Variants in SRPK2 observed in about 807,000 individuals in gnomAD.
SRPK2 encodes the protein SFRS protein kinase 2.
Under a neutral mutation model 90.8 loss-of-function variants are expected in SRPK2, and 21 were observed. That is an observed-to-expected ratio of 0.23 (90% CI 0.16 to 0.33). SRPK2 has a LOEUF of 0.33. Among genes scored for constraint, SRPK2 ranks in the 10% least tolerant of loss-of-function variants. The pLI, the probability that SRPK2 is intolerant of heterozygous loss-of-function variation, is 1.00. For synonymous variants in SRPK2, 288 were observed against 311.1 expected (o/e 0.93, Z 0.78); for missense variants, 620 against 869.0 (o/e 0.71, Z 3.60).
chr7:105,171,480 T>C (rs537165808), intron 3 of SRPK2, among the ~76,000 whole-genome samples: 14 of 152,372 alleles, frequency 9.2e-5, no homozygotes, highest in South Asian at 2.1e-4. Context: ...TTTTTTAATC[T>C]GCAGAATTCT....
At chr7:105,389,113 C>T (rs1586031902), upstream of SRPK2, 1 of 978,648 alleles carries the variant, frequency 1.0e-6, no homozygotes, top group African/African-American at 1.8e-5. Context: ...TGGCCCTCGG[C>T]CTCCCCCACC....
chr7:105,348,068 C>CTTTTTTTTTT (rs770159031), intron 2 of SRPK2, among the ~76,000 whole-genome samples: 20 of 81,020 alleles, frequency 2.5e-4, no homozygotes, highest in Admixed American at 5.4e-4. Context: ...GCTTGGCAAA[C>CTTTTTTTTTT]TTTTTTTTTT....
intron 2 of SRPK2, among the ~76,000 whole-genome samples, chr7:105,239,559 A>T (rs725506): frequency 0.18 from 27,682 of 152,124 alleles, 3,180 homozygotes; most frequent in East Asian, 0.58. Context: ...GGAAGCAGGG[A>T]AACAGCCTGA....
chr7:105,150,197 A>G (rs1171130099), intron 7 of SRPK2, among the ~76,000 whole-genome samples: 1 of 152,270 alleles, frequency 6.6e-6, no homozygotes, highest in Non-Finnish European at 1.5e-5. Flanking sequence ...GTTTTGGATA[A>G]TACTGCAATT....
In SRPK2 at chr7:105,280,421, C is replaced by CA. The variant is rs1279271628; in HGVS notation, c.72-76637dup. On this transcript the variant is annotated intron_variant, in intron 2 of 15. Transcript: ENST00000393651. Reference sequence around the variant, plus strand: ...CTGGGTGACAGAGTGAGACTGTCTTCAAAAAAAAAAAAAAGTCAAAAATTA... The same window carrying CA: ...CTGGGTGACAGAGTGAGACTGTCTTCAAAAAAAAAAAAAAAGTCAAAAATTA... Among the ~76,000 whole-genome samples, 893 of 103,774 alleles carry CA rather than the reference C, an allele frequency of 8.6e-3. 10 individuals carry two copies. The highest frequency in any genetic ancestry group is 0.052 in the Admixed American group (532 of 10,176). 68.1% of individuals were successfully genotyped at this position (103,774 alleles called of 152,430 possible). A position where few individuals can be genotyped will look rare whatever the true frequency, so the allele number is the denominator to read the frequency against.
rs183876541 is a variant in SRPK2, at chr7:105,145,751, T to C, written c.788-443A>G. On this transcript the variant is annotated intron_variant, in intron 8 of 15. Transcript: ENST00000393651. Reference sequence around the variant, plus strand: ...TTTAAATCAAATACTGCAGTTGGTATGCAGCAAATAGTCTAGGAATCACAT... The same window carrying C: ...TTTAAATCAAATACTGCAGTTGGTACGCAGCAAATAGTCTAGGAATCACAT... Among the ~76,000 whole-genome samples the C allele has an allele frequency of 2.1e-3, 314 of 152,338 alleles. 4 individuals carry two copies. Among genetic ancestry groups the C allele is most frequent in the African/African-American group, 7.2e-3 (301 of 41,570 alleles).
chr7:105,215,199 A>G (rs1797311574), intron 2 of SRPK2, among the ~76,000 whole-genome samples: 1 of 152,242 alleles, frequency 6.6e-6, no homozygotes, highest in South Asian at 2.1e-4. Flanking sequence ...ATAATGGATC[A>G]AAGTCCTAAA....
intron 2 of SRPK2, among the ~76,000 whole-genome samples, chr7:105,369,976 A>C (rs1819516610): frequency 6.6e-6 from 1 of 152,078 alleles, no homozygotes; most frequent in African/African-American, 2.4e-5. Flanking sequence ...GCAGTGAGCC[A>C]AGATCACGTC....
intron 2 of SRPK2, among the ~76,000 whole-genome samples, chr7:105,267,654 TCCCCTG>T (rs1208232031): frequency 6.6e-6 from 1 of 152,194 alleles, no homozygotes; most frequent in Non-Finnish European, 1.5e-5. Flanking sequence ...ATAAGCTTTT[TCCCCTG>T]ATTATACTAA....
chr7:105,383,052 A>ATTTTTTTTTTTTTTTTTTTTTTTT lies in SRPK2; in HGVS notation c.71+5595_71+5596insAAAAAAAAAAAAAAAAAAAAAAAA, dbSNP rs1563315577. Among the ~76,000 whole-genome samples, 9 of 105,276 alleles carry ATTTTTTTTTTTTTTTTTTTTTTTT rather than the reference A, an allele frequency of 8.5e-5. 4 individuals carry two copies. Among genetic ancestry groups the ATTTTTTTTTTTTTTTTTTTTTTTT allele is most frequent in the African/African-American group, 1.1e-4 (3 of 26,488 alleles). The allele number at this position is 105,276 out of a possible 152,430, so 69.1% of individuals were successfully genotyped here. On this transcript the variant is annotated intron_variant, in intron 2 of 15. Transcript: ENST00000393651. ...AGTCTGAAATTATTTCAAAAGTAAA[A>ATTTTTTTTTTTTTTTTTTTTTTTT]ATTTTTTTTTTTTTTTTTTTTTTTT...
At chr7:105,280,921 TG>T (rs1282305864) in intron 2 of SRPK2, among the ~76,000 whole-genome samples, 1 of 105,852 alleles carries the variant, frequency 9.4e-6, no homozygotes, top group East Asian at 3.3e-4. Context: ...CACTCCAGCC[TG>T]GGCGACAGAG....
At chr7:105,279,903 G>A (rs1396416365) in intron 2 of SRPK2, among the ~76,000 whole-genome samples, 3 of 152,178 alleles carry the variant, frequency 2.0e-5, no homozygotes, top group South Asian at 2.1e-4. Flanking sequence ...ACCCAATGCT[G>A]TGTTCAGCAG....
intron 2 of SRPK2, among the ~76,000 whole-genome samples, chr7:105,327,437 CAGA>C (rs1483511770): frequency 1.3e-5 from 2 of 152,342 alleles, no homozygotes; most frequent in African/African-American, 4.8e-5. Context: ...TGGTCCTTTA[CAGA>C]AGAAGTTTGC....
intron 6 of SRPK2, among the ~76,000 whole-genome samples, chr7:105,163,198 C>G (rs1055332759): frequency 6.6e-6 from 1 of 152,086 alleles, no homozygotes; most frequent in African/African-American, 2.4e-5. Context: ...TAAACTCATA[C>G]TAGTTTGTTA....
intron 2 of SRPK2, among the ~76,000 whole-genome samples, chr7:105,297,061 T>C (rs1473867018): frequency 6.6e-6 from 1 of 152,128 alleles, no homozygotes; most frequent in East Asian, 1.9e-4. Context: ...TAAGAATACT[T>C]AGTGAACTCC....
At chr7:105,177,366 T>A (rs1175823396) in intron 3 of SRPK2, among the ~76,000 whole-genome samples, 1 of 152,194 alleles carries the variant, frequency 6.6e-6, no homozygotes, top group African/African-American at 2.4e-5. Context: ...ATTATTAAGA[T>A]GTGTGATACA....
intron 11 of SRPK2, among the ~76,000 whole-genome samples, chr7:105,133,478 T>C (rs1050373808): frequency 1.3e-4 from 20 of 152,154 alleles, no homozygotes; most frequent in Admixed American, 1.2e-3. Flanking sequence ...TCGAGCTTGC[T>C]GATGCATTAT....
chr7:105,382,930 T>G (rs1489627999), intron 2 of SRPK2, among the ~76,000 whole-genome samples: 1 of 152,136 alleles, frequency 6.6e-6, no homozygotes, highest in South Asian at 2.1e-4. Context: ...TGTCAATTTA[T>G]TGGTTTCAAC....
chr7:105,251,448 C>G (rs186195824), intron 2 of SRPK2, among the ~76,000 whole-genome samples: 1 of 152,156 alleles, frequency 6.6e-6, no homozygotes, highest in Admixed American at 6.5e-5. Context: ...AAGCTATGCT[C>G]CTGCCTTGGC....
Sources: gnomAD v4.1 joint callset for allele counts (sites outside exome capture counted in the v4.1 genomes callset) on GRCh38, gnomAD v4.1.1 for gene constraint, MANE v1.5 for transcripts, NCBI Gene and HGNC (gene_info 2026-07-23, HGNC 2026-07-21) for gene names.